NGEF: variants seen among roughly 807,000 people sequenced by gnomAD.
NGEF encodes ephexin-1.
In NGEF, 31 loss-of-function variants were observed where a neutral mutation model predicts 80.9. That is an observed-to-expected ratio of 0.38 (90% CI 0.29 to 0.52). The LOEUF (loss-of-function observed/expected upper bound fraction) is 0.52. Among genes scored for constraint, NGEF ranks in the 20% least tolerant of loss-of-function variants. The pLI is 0.84. For missense variants in NGEF, 709 were observed against 926.2 expected (o/e 0.77, Z 3.04); for synonymous variants, 371 against 370.2 (o/e 1.00, Z -0.03).
chr2:232,983,809 A>T (rs1439182864), intron 1 of NGEF, among the ~76,000 whole-genome samples: 2 of 152,326 alleles, frequency 1.3e-5, no homozygotes, highest in East Asian at 3.9e-4. Context: ...AATACAAACA[A>T]CATCTCTTTT....
At chr2:233,004,757 G>A (rs893915404) in intron 1 of NGEF, among the ~76,000 whole-genome samples, 2 of 151,468 alleles carry the variant, frequency 1.3e-5, no homozygotes, top group Non-Finnish European at 2.9e-5. Context: ...CCCCATCGCT[G>A]AGAATCAGGC....
intron 3 of NGEF, chr2:232,927,765 G>A (rs1274521841): frequency 2.0e-6 from 1 of 502,180 alleles, no homozygotes; most frequent in Non-Finnish European, 3.0e-6. Flanking sequence ...TGGGAGTAGG[G>A]GCGGCGGGGG....
chr2:232,884,276 G>GA (rs1220687379), intron 10 of NGEF, 132 bp from the exon 11 acceptor site: 1 of 1,007,314 alleles, frequency 9.9e-7, no homozygotes, highest in Non-Finnish European at 1.4e-6. Context: ...AAGTTGGGGG[G>GA]AAAGGCCGAG....
rs191817354 is a variant in NGEF, at chr2:232,991,689, A to T, written c.-74-16725T>A. 1.1e-3 allele frequency among the ~76,000 whole-genome samples: 167 copies of T among 152,346 alleles called. 1 individual carries two copies. In the Middle Eastern group the frequency reaches 0.02, roughly 19 times the overall value. The stretch of plus-strand genomic sequence containing the variant: ...ACTCTCCAAATTGATCTCCATATTC[A>T]ACACGACTTGATTAAAATCCCAGGT... On this transcript the variant is annotated intron_variant, in intron 1 of 14. Coordinates refer to ENST00000264051, the MANE Select transcript of NGEF (RefSeq NM_019850.3).
chr2:232,898,859 C>T (rs993917747), intron 5 of NGEF, among the ~76,000 whole-genome samples: 5 of 152,132 alleles, frequency 3.3e-5, no homozygotes, highest in South Asian at 4.1e-4. Context: ...CATAGACATA[C>T]GCGAGTCAGG....
chr2:232,901,492 AC>A (rs1692355687), intron 5 of NGEF: 2 of 957,854 alleles, frequency 2.1e-6, no homozygotes, highest in African/African-American at 3.5e-5. Flanking sequence ...TGATGCTGTG[AC>A]CTTCGATGCG....
At chr2:233,008,062 A>T (rs972228765) in intron 1 of NGEF, among the ~76,000 whole-genome samples, 1 of 152,172 alleles carries the variant, frequency 6.6e-6, no homozygotes, top group Non-Finnish European at 1.5e-5. Flanking sequence ...CCTCACTCTC[A>T]TGAGTGGATT....
intron 5 of NGEF, among the ~76,000 whole-genome samples, chr2:232,918,886 C>G (rs916827475): frequency 5.3e-5 from 8 of 152,168 alleles, no homozygotes; most frequent in Non-Finnish European, 7.3e-5. Flanking sequence ...CTCTGCCTCC[C>G]AAAGTGCTGG....
intron 1 of NGEF, among the ~76,000 whole-genome samples, chr2:232,991,147 C>T (rs1381718096): frequency 6.6e-6 from 1 of 152,086 alleles, no homozygotes; most frequent in African/African-American, 2.4e-5. Flanking sequence ...TTGTGAAAGA[C>T]TGCATACTTT....
intron 4 of NGEF, among the ~76,000 whole-genome samples, chr2:232,924,351 CCAG>C (rs1317183198): frequency 6.6e-6 from 1 of 152,182 alleles, no homozygotes; most frequent in Non-Finnish European, 1.5e-5. Context: ...GCAGAGATAG[CCAG>C]CCCTCAGCAG....
chr2:232,894,768 G>T lies in NGEF; in HGVS notation c.977C>A (p.Ala326Asp). The T allele has an allele frequency of 6.3e-7, 1 of 1,587,182 alleles. No homozygotes were observed. The highest frequency in any genetic ancestry group is 1.7e-5 in the Admixed American group (1 of 59,716). ...ILFSNVLDVL[A>D]VSERFLLELE... ...CCCCCGTCCTCACCGCTCACTGACA[G>T]CCAGCACGTCCAGGACGTTGGAGAA... Residue 326 changes from alanine (A) to aspartate (D), a missense_variant, in exon 6 of 15, where the codon GCT becomes GAT. This residue lies in a region of NGEF where 426 missense variants were observed against 622.9 expected (regional missense o/e 0.68). Transcript: ENST00000264051.
intron 3 of NGEF, among the ~76,000 whole-genome samples, chr2:232,928,883 C>G (rs1380089320): frequency 6.6e-6 from 1 of 152,170 alleles, no homozygotes; most frequent in Non-Finnish European, 1.5e-5. Flanking sequence ...TCAGTCCGCT[C>G]GCGGATCAGA....
chr2:232,960,715 C>T (rs1693932556), intron 3 of NGEF, among the ~76,000 whole-genome samples: 1 of 152,160 alleles, frequency 6.6e-6, no homozygotes, highest in Non-Finnish European at 1.5e-5. Flanking sequence ...CCCATCTCTA[C>T]TAAAATTACA....
chr2:232,968,817 C>T (rs1403551714), intron 3 of NGEF, among the ~76,000 whole-genome samples: 1 of 152,228 alleles, frequency 6.6e-6, no homozygotes, highest in Admixed American at 6.5e-5. Context: ...GGGTGGGCTT[C>T]AGGGAATCTC....
intron 10 of NGEF, 53 bp from the exon 11 acceptor site, chr2:232,884,197 G>A: frequency 6.0e-6 from 9 of 1,498,338 alleles, no homozygotes; most frequent in Non-Finnish European, 7.1e-6. Context: ...TCCCTCCCCA[G>A]GACATGCCCC....
At position 232,883,355 on chromosome 2, in the gene NGEF, G is replaced by A. The variant is rs138129440; in HGVS notation, c.1713C>T (p.Asn571=). Residue 571 remains asparagine (N), a synonymous_variant, in exon 12 of 15, where the codon AAC becomes AAT. Transcript: ENST00000264051. ...ANVFILRLLE[N]ADDREATYML... ...TGTAGGTGGCCTCCCGGTCATCTGC[G>A]TTCTCCAGCAGCCGCAGGATGAACA... The A allele has an allele frequency of 2.2e-5, 36 of 1,612,414 alleles. No homozygotes were observed. Among genetic ancestry groups the A allele is most frequent in the South Asian group, 6.6e-5 (6 of 90,910 alleles).
chr2:232,893,112 C>T (rs1269804626), intron 6 of NGEF, 62 bp from the exon 7 acceptor site: 21 of 1,543,916 alleles, frequency 1.4e-5, no homozygotes, highest in Non-Finnish European at 1.7e-5. Flanking sequence ...AATTGTCTCA[C>T]CAAGGGCAGC....
Position 232,894,737 on chromosome 2 carries a change from C to CTG in NGEF, c.989+17_989+18dup. 1 of 1,540,600 alleles carries CTG rather than the reference C, an allele frequency of 6.5e-7. No homozygotes were observed. Among genetic ancestry groups the CTG allele is most frequent in the East Asian group, 2.3e-5 (1 of 43,706 alleles). On this transcript the variant is annotated intron_variant, in intron 6 of 14. Transcript: ENST00000264051. ...TGAAGAAGGGCCCTGAGGGAGGTGG[C>CTG]TGTCCCCCCCGTCCTCACCGCTCAC... is the stretch of plus-strand genomic sequence containing the variant.
rs1377767489 is a variant in NGEF at position 232,900,332 on chromosome 2, GCT to G, written c.829-5418_829-5417del. 2.4e-4 allele frequency among the ~76,000 whole-genome samples: 8 copies of G among 33,954 alleles called. 1 individual carries two copies. The highest frequency in any genetic ancestry group is 4.4e-4 in the Non-Finnish European group (8 of 18,326). 22.3% of individuals were successfully genotyped at this position (33,954 alleles called of 152,430 possible). ...CGTTCACTCACATTCACTCACACAC[GCT>G]CTCACAGTCACTCATACACGTTCAC... On this transcript the variant is annotated intron_variant, in intron 5 of 14. Coordinates refer to ENST00000264051, the MANE Select transcript of NGEF (RefSeq NM_019850.3).
Sources: gnomAD v4.1 joint callset for allele counts (sites outside exome capture counted in the v4.1 genomes callset) on GRCh38, gnomAD v4.1.1 for gene constraint, gnomAD v4.1.1 regional missense constraint, MANE v1.5 for transcripts, NCBI Gene and HGNC (gene_info 2026-07-23, HGNC 2026-07-21) for gene names.